The following RIT2 variants were observed in gnomAD, a reference collection of about 807,000 sequenced individuals.
The protein encoded by RIT2 is Ras like without CAAX 2, also known as GTP-binding protein Rit2.
Under a neutral mutation model 23.7 loss-of-function variants are expected in RIT2, and 24 were observed. The observed-to-expected ratio is 1.01, with a 90% CI of 0.73 to 1.43. The LOEUF is 1.43. Ranked by LOEUF, RIT2 falls within the 40% of genes most tolerant of loss-of-function variation. The pLI is 0.00. For missense variants in RIT2, 236 were observed against 266.9 expected, an observed-to-expected ratio of 0.88 and a Z score of 0.81; for synonymous variants, 107 against 91.1, an observed-to-expected ratio of 1.17 and a Z score of -0.99.
chr18:42,833,744 A>G (rs1312448342), intron 4 of RIT2, among the ~76,000 whole-genome samples: 1 of 152,206 alleles, frequency 6.6e-6, no homozygotes, highest in East Asian at 1.9e-4. Context: ...ATTCAAATCA[A>G]ATTGGACAAT....
At chr18:42,762,133 G>T (rs769755936) in intron 4 of RIT2, among the ~76,000 whole-genome samples, 11 of 152,136 alleles carry the variant, frequency 7.2e-5, no homozygotes, top group Non-Finnish European at 1.3e-4. Flanking sequence ...ATAATTCTCT[G>T]TGAATTTTAT....
intron 3 of RIT2, among the ~76,000 whole-genome samples, chr18:42,940,004 C>G (rs1318017461): frequency 6.6e-6 from 1 of 151,744 alleles, no homozygotes; most frequent in Non-Finnish European, 1.5e-5. Context: ...AGGGTTAAAT[C>G]ATATAGATTA....
chr18:42,743,828 C>G lies in RIT2; in HGVS notation c.427-108G>C, dbSNP rs550773894. The G allele has an allele frequency of 8.9e-4, 673 of 752,284 alleles. 2 individuals carry two copies. Among genetic ancestry groups the G allele is most frequent in the Middle Eastern group, 6.5e-3 (17 of 2,614 alleles). The allele number at this position is 752,284 out of a possible 1,614,324, so 46.6% of individuals were successfully genotyped here. On this transcript the variant is annotated intron_variant, in intron 4 of 4. Coordinates refer to ENST00000326695, the MANE Select transcript of RIT2 (RefSeq NM_002930.4). ...GTCAGGCCTCTGAGCCCAAGCCAAG[C>G]CATCGTATCCCCTGTGACTTGCAGG...
intron 4 of RIT2, among the ~76,000 whole-genome samples, chr18:42,902,684 AAT>A (rs959790780): frequency 2.0e-5 from 3 of 151,792 alleles, no homozygotes; most frequent in African/African-American, 7.2e-5. Context: ...AAAAAAAATA[AAT>A]ATGTTTGTGG....
chr18:42,955,321 A>G (rs1370574051), intron 3 of RIT2, among the ~76,000 whole-genome samples: 1 of 152,178 alleles, frequency 6.6e-6, no homozygotes, highest in African/African-American at 2.4e-5. Context: ...CAGGTAGATG[A>G]ATAAGATAAC....
chr18:42,969,989 CT>C (rs1275810172), intron 3 of RIT2, among the ~76,000 whole-genome samples: 4 of 151,992 alleles, frequency 2.6e-5, no homozygotes, highest in Non-Finnish European at 5.9e-5. Flanking sequence ...TTATTTCACT[CT>C]GTATTTTCTT....
At chr18:43,107,263 A>G (rs1392003348) in intron 1 of RIT2, among the ~76,000 whole-genome samples, 2 of 152,108 alleles carry the variant, frequency 1.3e-5, no homozygotes, top group Admixed American at 1.3e-4. Flanking sequence ...TTATCTTTCT[A>G]AGCCATAGTT....
At chr18:42,802,773 T>G (rs547210530) in intron 4 of RIT2, among the ~76,000 whole-genome samples, 2 of 152,236 alleles carry the variant, frequency 1.3e-5, no homozygotes, top group Non-Finnish European at 2.9e-5. Flanking sequence ...GTTTTCATAC[T>G]TCCTCACTTT....
intron 4 of RIT2, among the ~76,000 whole-genome samples, chr18:42,864,833 T>C (rs1907425434): frequency 6.6e-6 from 1 of 152,198 alleles, no homozygotes; most frequent in African/African-American, 2.4e-5. Flanking sequence ...AGGCTCCATA[T>C]ATCCTGAAAG....
intron 3 of RIT2, among the ~76,000 whole-genome samples, chr18:42,970,560 C>T (rs1228140378): frequency 4.6e-5 from 7 of 151,954 alleles, no homozygotes; most frequent in African/African-American, 1.2e-4. Context: ...TCTATCTGAA[C>T]TTCTCTCACC....
chr18:43,072,918 A>G (rs1299301618), intron 1 of RIT2, among the ~76,000 whole-genome samples: 4 of 152,170 alleles, frequency 2.6e-5, no homozygotes, highest in Non-Finnish European at 5.9e-5. Context: ...AGAATAAAGC[A>G]TAATTCTCCT....
At chr18:43,049,310 A>G (rs568229028) in intron 1 of RIT2, among the ~76,000 whole-genome samples, 2 of 152,308 alleles carry the variant, frequency 1.3e-5, no homozygotes, top group African/African-American at 4.8e-5. Context: ...AAATTCTCGT[A>G]ACTTCAAATG....
intron 2 of RIT2, among the ~76,000 whole-genome samples, chr18:42,999,352 G>T (rs1475493114): frequency 6.6e-6 from 1 of 152,018 alleles, no homozygotes; most frequent in Non-Finnish European, 1.5e-5. Flanking sequence ...AGATTGCATA[G>T]AGTACAATCC....
chr18:43,027,494 C>A (rs1911760604), intron 2 of RIT2, among the ~76,000 whole-genome samples: 1 of 151,744 alleles, frequency 6.6e-6, no homozygotes, highest in African/African-American at 2.4e-5. Flanking sequence ...GGCAGTTCAC[C>A]TAAGTTAATA....
At chr18:42,819,516 AGCAAAGT>A (rs1481226249) in intron 4 of RIT2, among the ~76,000 whole-genome samples, 10 of 152,046 alleles carry the variant, frequency 6.6e-5, no homozygotes, top group Admixed American at 1.3e-4. Context: ...TGTATTCTCC[AGCAAAGT>A]GGGTTTTATT....
chr18:42,894,634 A>G (rs775623961), intron 4 of RIT2, among the ~76,000 whole-genome samples: 3 of 152,206 alleles, frequency 2.0e-5, no homozygotes, highest in Non-Finnish European at 4.4e-5. Context: ...TAAATAGTAG[A>G]CTATGAAATC....
At chr18:42,893,556 T>C (rs1258173245) in intron 4 of RIT2, among the ~76,000 whole-genome samples, 4 of 152,140 alleles carry the variant, frequency 2.6e-5, no homozygotes, top group South Asian at 2.1e-4. Context: ...TACTTTTGCA[T>C]TGGAGGTTAG....
intron 1 of RIT2, among the ~76,000 whole-genome samples, chr18:43,109,317 G>T (rs538782102): frequency 6.6e-6 from 1 of 152,042 alleles, no homozygotes; most frequent in South Asian, 2.1e-4. Flanking sequence ...ATCCTTTTTG[G>T]GTTTTCAGTT....
intron 4 of RIT2, among the ~76,000 whole-genome samples, chr18:42,876,631 C>T (rs1017244093): frequency 2.0e-5 from 3 of 151,604 alleles, no homozygotes; most frequent in Admixed American, 2.0e-4. Flanking sequence ...AAAACACGTT[C>T]CCTGGCAATT....
Sources: gnomAD v4.1 joint callset for allele counts (sites outside exome capture counted in the v4.1 genomes callset) on GRCh38, gnomAD v4.1.1 for gene constraint, MANE v1.5 for transcripts, NCBI Gene and HGNC (gene_info 2026-07-23, HGNC 2026-07-21) for gene names.